PLEKHA6: variants seen among roughly 807,000 people sequenced by gnomAD.
The protein encoded by PLEKHA6 is pleckstrin homology domain containing A6, also known as pleckstrin homology domain-containing family A member 6.
Under a neutral mutation model 116.7 loss-of-function variants are expected in PLEKHA6, and 60 were observed. The ratio of observed to expected loss-of-function variants is 0.51; its 90% CI spans 0.42 to 0.64. The LOEUF is 0.64. PLEKHA6 is among the 30% of genes least tolerant of loss of function. The pLI is 0.00. For synonymous variants in PLEKHA6, 489 were observed against 556.1 expected, an observed-to-expected ratio of 0.88 and a Z score of 1.70; for missense variants, 1,338 against 1,422.7, an observed-to-expected ratio of 0.94 and a Z score of 0.96.
intron 1 of PLEKHA6, among the ~76,000 whole-genome samples, chr1:204,308,687 C>CTTTTTTTTTTTTTTTTTTTTTTT (rs60251937): frequency 3.7e-5 from 3 of 81,404 alleles, no homozygotes; most frequent in Non-Finnish European, 6.4e-5. Flanking sequence ...TTTTCTTTTT[C>CTTTTTTTTTTTTTTTTTTTTTTT]TTTTTTTTTT....
chr1:204,229,618 G>A (rs1660878404), intron 18 of PLEKHA6, among the ~76,000 whole-genome samples: 1 of 152,064 alleles, frequency 6.6e-6, no homozygotes, highest in African/African-American at 2.4e-5. Context: ...GTCTTGCTTT[G>A]TTGTCAGGCT....
chr1:204,342,409 T>A (rs1402833046), intron 1 of PLEKHA6, among the ~76,000 whole-genome samples: 3 of 152,238 alleles, frequency 2.0e-5, no homozygotes, highest in Admixed American at 6.5e-5. Flanking sequence ...TAGCTTTATG[T>A]CCCCAGGAAC....
chr1:204,230,356 G>A (rs1350759932), intron 18 of PLEKHA6, 57 bp downstream of exon 18: 4 of 1,365,372 alleles, frequency 2.9e-6, no homozygotes, highest in Non-Finnish European at 4.0e-6. Context: ...TGCCCTGGGA[G>A]TGGGCAGTGT....
At chr1:204,360,239 C>T (rs933483266), upstream of PLEKHA6, among the ~76,000 whole-genome samples, 1 of 151,648 alleles carries the variant, frequency 6.6e-6, no homozygotes, top group Non-Finnish European at 1.5e-5. Flanking sequence ...CCAGAAACTG[C>T]CCAGGGTCTT....
chr1:204,377,704 C>T (rs1673894960), upstream of PLEKHA6: 1 of 152,194 alleles, frequency 6.6e-6, no homozygotes, highest in Non-Finnish European at 1.5e-5. Context: ...TCTGCGCCCC[C>T]AGGCGCCGGC....
intron 1 of PLEKHA6, among the ~76,000 whole-genome samples, chr1:204,318,829 G>A (rs781333722): frequency 9.9e-5 from 15 of 152,182 alleles, no homozygotes; most frequent in Non-Finnish European, 1.9e-4. Flanking sequence ...TTGTTTCTGA[G>A]CACGTCTCGT....
At chr1:204,256,757 G>A (rs1371476118) in intron 9 of PLEKHA6, 10 of 520,572 alleles carry the variant, frequency 1.9e-5, no homozygotes, top group East Asian at 3.3e-5. Flanking sequence ...AGTGGAGCAC[G>A]GTGCGGGGAG....
At chr1:204,286,816 A>G (rs758830824) in intron 1 of PLEKHA6, among the ~76,000 whole-genome samples, 21 of 152,278 alleles carry the variant, frequency 1.4e-4, no homozygotes, top group Middle Eastern at 3.4e-3. Context: ...GAACACAACA[A>G]GTATCCCCGT....
rs774631652 is a variant in PLEKHA6, at chr1:204,334,756, G to A, written c.-95+24938C>T. 9.2e-5 allele frequency among the ~76,000 whole-genome samples: 14 copies of A among 151,906 alleles called. 1 individual carries two copies. The highest frequency in any genetic ancestry group is 2.9e-5 in the Non-Finnish European group (2 of 68,000). On this transcript the variant is annotated intron_variant, in intron 1 of 22. Transcript: ENST00000272203. Reference sequence around the variant, plus strand: ...TCTACTGAAAATACAAAAATTAGCCGGGCGCGGTAGTGCACACCTATAATC... The same window carrying A: ...TCTACTGAAAATACAAAAATTAGCCAGGCGCGGTAGTGCACACCTATAATC...
intron 1 of PLEKHA6, among the ~76,000 whole-genome samples, chr1:204,312,012 C>T (rs1359450169): frequency 6.6e-6 from 1 of 152,178 alleles, no homozygotes; most frequent in African/African-American, 2.4e-5. Flanking sequence ...ATGCTTTATA[C>T]ATATTTTCTC....
At chr1:204,301,251 A>G (rs1271702944) in intron 1 of PLEKHA6, 11 of 984,484 alleles carry the variant, frequency 1.1e-5, no homozygotes, top group Non-Finnish European at 1.3e-5. Flanking sequence ...TATTTAAGCT[A>G]AAGATGCTGA....
intron 1 of PLEKHA6, chr1:204,280,391 A>G (rs1314026599): frequency 1.2e-5 from 12 of 985,012 alleles, no homozygotes; most frequent in Non-Finnish European, 1.4e-5. Context: ...CCAGAACCCC[A>G]CTGTGATCAA....
intron 17 of PLEKHA6, among the ~76,000 whole-genome samples, chr1:204,232,350 A>G (rs892542430): frequency 1.3e-5 from 2 of 152,224 alleles, no homozygotes; most frequent in East Asian, 3.8e-4. Context: ...TAGTTCACAA[A>G]GGATGCTTAA....
upstream of PLEKHA6, among the ~76,000 whole-genome samples, chr1:204,363,208 A>G (rs531799487): frequency 2.0e-5 from 3 of 152,304 alleles, no homozygotes; most frequent in South Asian, 4.1e-4. Context: ...GATGAATCCC[A>G]GAGACCCAGC....
chr1:204,241,316 C>T, intron 17 of PLEKHA6, 59 bp downstream of exon 17: 1 of 1,055,106 alleles, frequency 9.5e-7, no homozygotes, highest in Non-Finnish European at 1.4e-6. Context: ...TAGGTACACA[C>T]ACAGGCCCCT....
At position 204,265,000 on chromosome 1, in the gene PLEKHA6, C is replaced by T. The variant is rs1474974510; in HGVS notation, c.323G>A (p.Ser108Asn). The change falls in exon 6 of 23, where the codon AGC becomes AAC. Residue 108 changes from serine (S) to asparagine (N), a missense_variant. Around this residue, in one of 3 missense-constraint regions of PLEKHA6, gnomAD observed 140 missense variants for 197.4 expected, o/e 0.71. Coordinates refer to ENST00000272203, the MANE Select transcript of PLEKHA6 (RefSeq NM_014935.5). The part of the protein sequence containing the change: ...ESILGSIPLL[S>N]FRVAAVQPSD... ...GGGCTGCACTGCGGCTACCCGGAAG[C>T]TCAGGAGGGGGATGCTGCCCAGGAT... is the stretch of plus-strand genomic sequence containing the variant. 7 of 1,614,020 alleles carry T rather than the reference C, an allele frequency of 4.3e-6. No homozygotes were observed. The highest frequency in any genetic ancestry group is 1.3e-5 in the African/African-American group (1 of 74,926).
At chr1:204,298,773 G>A (rs920283023) in intron 1 of PLEKHA6, among the ~76,000 whole-genome samples, 7 of 152,226 alleles carry the variant, frequency 4.6e-5, no homozygotes, top group African/African-American at 1.7e-4. Context: ...GTTACATGGG[G>A]TAGCCACCTG....
At chr1:204,305,851 C>T (rs893243799) in intron 1 of PLEKHA6, among the ~76,000 whole-genome samples, 2 of 152,192 alleles carry the variant, frequency 1.3e-5, no homozygotes, top group East Asian at 1.9e-4. Context: ...CTTCTAAATT[C>T]CATTGTACTA....
chr1:204,299,787 A>G (rs1670638513), intron 1 of PLEKHA6: 2 of 231,660 alleles, frequency 8.6e-6, no homozygotes, highest in African/African-American at 4.7e-5. Context: ...TTTTTGCCCC[A>G]TCTGTTCTCT....
Sources: allele counts gnomAD v4.1 joint callset (sites outside exome capture counted in the v4.1 genomes callset), GRCh38; gene constraint gnomAD v4.1.1; regional missense constraint gnomAD v4.1.1; transcripts MANE v1.5; gene names NCBI Gene and HGNC (gene_info 2026-07-23, HGNC 2026-07-21).